KPNA7: variants seen among roughly 807,000 people sequenced by gnomAD.
KPNA7 encodes karyopherin subunit alpha 7.
Under a neutral mutation model 53.7 loss-of-function variants are expected in KPNA7, and 54 were observed. That is an observed-to-expected ratio of 1.01 (90% confidence interval 0.81 to 1.26). KPNA7 has a LOEUF of 1.26. Ranked by LOEUF, KPNA7 falls within the 50% of genes most tolerant of loss-of-function variation. The pLI, the probability that KPNA7 is intolerant of heterozygous loss-of-function variation, is 0.00. For synonymous variants in KPNA7, 276 were observed against 259.3 expected, an observed-to-expected ratio of 1.06 and a Z score of -0.62; for missense variants, 640 against 644.5, an observed-to-expected ratio of 0.99 and a Z score of 0.07.
intron 7 of KPNA7, 76 bp downstream of exon 7, chr7:99,188,224 C>T (rs796635090): frequency 1.1e-6 from 1 of 937,002 alleles, no homozygotes. Flanking sequence ...ATGCAGATGA[C>T]AAACCTTGCC....
chr7:99,183,885 G>T (rs1478897283), intron 8 of KPNA7, among the ~76,000 whole-genome samples: 1 of 152,078 alleles, frequency 6.6e-6, no homozygotes, highest in African/African-American at 2.4e-5. Context: ...TACTCTTGCT[G>T]CCCAGGCTGG....
In KPNA7 at chr7:99,188,174, C is replaced by CAAAAAA. The variant is rs59219718; in HGVS notation, c.900+120_900+125dup. ...TGGGTGACAGAGCAAGACTCTGTCT[C>CAAAAAA]AAAAAAAAAAAAAAAAAAAAAAAAG... On this transcript the variant is annotated intron_variant, in intron 7 of 10. Coordinates refer to ENST00000327442, the MANE Select transcript of KPNA7 (RefSeq NM_001145715.3). 1.2e-3 allele frequency: 476 copies of CAAAAAA among 390,634 alleles called. 5 individuals carry two copies. The highest frequency in any genetic ancestry group is 3.6e-3 in the African/African-American group (68 of 18,736). 24.2% of individuals were successfully genotyped at this position (390,634 alleles called of 1,614,324 possible).
chr7:99,215,372 A>C (rs1791192180), intron 1 of KPNA7, among the ~76,000 whole-genome samples: 1 of 106,298 alleles, frequency 9.4e-6, no homozygotes, highest in African/African-American at 5.8e-5. Context: ...ACTGTCTCAA[A>C]AAAAAAAAAA....
chr7:99,181,876 G>T lies in KPNA7; in HGVS notation c.1317+7C>A. 1 of 1,533,346 alleles carries T rather than the reference G, an allele frequency of 6.5e-7. No individual in the cohort carries two copies. Among genetic ancestry groups the T allele is most frequent in the South Asian group, 1.2e-5 (1 of 82,628 alleles). 95.0% of individuals were successfully genotyped at this position (1,533,346 alleles called of 1,614,324 possible). ...ATTTACAAACCAACCTGTTCAGAAC[G>T]GCTCACCTGGAGGATGCAAGAGATG... On this transcript the variant is annotated splice_region_variant and intron_variant, in intron 9 of 10. Transcript: ENST00000327442.
chr7:99,194,317 T>C (rs1046207389), intron 5 of KPNA7, among the ~76,000 whole-genome samples: 1 of 152,190 alleles, frequency 6.6e-6, no homozygotes, highest in African/African-American at 2.4e-5. Context: ...GGAAGGCTTG[T>C]TAGCCCAAAC....
At chr7:99,203,818 C>T (rs1790666963) in intron 2 of KPNA7, among the ~76,000 whole-genome samples, 1 of 152,106 alleles carries the variant, frequency 6.6e-6, no homozygotes, top group South Asian at 2.1e-4. Flanking sequence ...TCAAGCCATT[C>T]TTGTGCCTCA....
intron 9 of KPNA7, among the ~76,000 whole-genome samples, chr7:99,180,705 GTCTC>G (rs373720296): frequency 1.7e-5 from 1 of 60,566 alleles, no homozygotes; most frequent in Admixed American, 1.8e-4. Flanking sequence ...CTCTGTCTGT[GTCTC>G]TCTCTCTCTC....
chr7:99,154,376 A>G, the KPNA7 span, among the ~76,000 whole-genome samples: 1 of 152,050 alleles, frequency 6.6e-6, no homozygotes. Context: ...CAATCCGCCC[A>G]CCTTGGCCTC....
chr7:99,169,048 C>T (rs1466161225), downstream of KPNA7, among the ~76,000 whole-genome samples: 1 of 151,990 alleles, frequency 6.6e-6, no homozygotes, highest in Non-Finnish European at 1.5e-5. Flanking sequence ...ATTACCTGGC[C>T]GTGGTGGCAC....
chr7:99,179,567 ATATATT>A lies in KPNA7; in HGVS notation c.1318-1507_1318-1502del, dbSNP rs1473861864. Among the ~76,000 whole-genome samples, 5 of 150,432 alleles carry A rather than the reference ATATATT, an allele frequency of 3.3e-5. No individual in the cohort carries two copies. In the South Asian group the frequency reaches 6.3e-4, roughly 19 times the overall value. ...TGAGATCCTGTTTCAAAATATATAT[ATATATT>A]TATATTATTTATATTTTTATTTATT... is the stretch of plus-strand genomic sequence containing the variant. On this transcript the variant is annotated intron_variant, in intron 9 of 10. Coordinates refer to ENST00000327442, the MANE Select transcript of KPNA7 (RefSeq NM_001145715.3).
intron 1 of KPNA7, among the ~76,000 whole-genome samples, chr7:99,213,788 T>C (rs1791135025): frequency 6.6e-6 from 1 of 152,072 alleles, no homozygotes; most frequent in African/African-American, 2.4e-5. Flanking sequence ...TGTTTTCATT[T>C]TTCAGAGATG....
At chr7:99,209,447 A>T (rs185410492), upstream of KPNA7, among the ~76,000 whole-genome samples, 1 of 152,046 alleles carries the variant, frequency 6.6e-6, no homozygotes, top group Non-Finnish European at 1.5e-5. Context: ...TGCACAGAGT[A>T]CATGTGATTG....
chr7:99,185,149 C>G lies in KPNA7; in HGVS notation c.914G>C (p.Arg305Pro). The change falls in exon 8 of 11, where the codon CGC (arginine) becomes CCC (proline). Residue 305 changes from arginine to proline, a missense_variant. Coordinates refer to ENST00000327442, the MANE Select transcript of KPNA7 (RefSeq NM_001145715.3). ...SELNVLTPSL[R>P]TVGNIVTGTD... is the part of the protein sequence containing the mutation. ...GCCCGTGACAATGTTCCCCACGGTG[C>G]GGAGAGAAGGAGTCTGGAAGAGCAA... 2 of 1,551,566 alleles carry G rather than the reference C, an allele frequency of 1.3e-6. No individual in the cohort carries two copies. Among genetic ancestry groups the G allele is most frequent in the South Asian group, 2.4e-5 (2 of 84,022 alleles).
Position 99,203,158 on chromosome 7 carries a change from A to T in KPNA7, c.149T>A (p.Ile50Asn). 2 of 1,551,688 alleles carry T rather than the reference A, an allele frequency of 1.3e-6. No individual in the cohort carries two copies. The highest frequency in any genetic ancestry group is 1.2e-5 in the South Asian group (1 of 84,040). ...KDEQTLKRRN[I>N]TSFCPDTPSE... ...AGGTGTGTCAGGGCAGAAGCTCGTG[A>T]TATTCCTTCTCTTTAAGGTCTGTTC... Residue 50 changes from isoleucine to asparagine, a missense_variant, in exon 3 of 11, where the codon ATC becomes AAC. Ile to Asn is a moderately radical substitution (Grantham distance 149). Coordinates refer to ENST00000327442, the MANE Select transcript of KPNA7 (RefSeq NM_001145715.3).
At chr7:99,209,703 A>G (rs1053262796), upstream of KPNA7, among the ~76,000 whole-genome samples, 34 of 147,556 alleles carry the variant, frequency 2.3e-4, no homozygotes, top group Admixed American at 1.1e-3. Flanking sequence ...AAAAAAAAAA[A>G]AAAAAAAGAA....
At chr7:99,188,650 C>T (rs1277566803) in intron 6 of KPNA7, 87 bp from the exon 7 acceptor site, 2 of 1,277,820 alleles carry the variant, frequency 1.6e-6, no homozygotes, top group African/African-American at 3.0e-5. Context: ...CAATCAATAC[C>T]ATAGATCAGC....
chr7:99,182,436 T>C (rs34281805), intron 8 of KPNA7, among the ~76,000 whole-genome samples: 16,318 of 152,110 alleles, frequency 0.11, 1,079 homozygotes, highest in African/African-American at 0.19. Flanking sequence ...GACCTCATGA[T>C]GCGCCTGTCT....
At chr7:99,210,961 G>A (rs555677476), upstream of KPNA7, among the ~76,000 whole-genome samples, 11 of 151,852 alleles carry the variant, frequency 7.2e-5, no homozygotes, top group Admixed American at 5.3e-4. Context: ...CTGACCATAC[G>A]AGATGGTCCA....
chr7:99,151,912 C>T, the KPNA7 span, among the ~76,000 whole-genome samples: 1 of 151,686 alleles, frequency 6.6e-6, no homozygotes, highest in African/African-American at 2.4e-5. Context: ...AGGCTGGGCA[C>T]GGTGGCTCAC....
Sources: gnomAD v4.1 joint callset for allele counts (sites outside exome capture counted in the v4.1 genomes callset) on GRCh38, gnomAD v4.1.1 for gene constraint, MANE v1.5 for transcripts, NCBI Gene and HGNC (gene_info 2026-07-23, HGNC 2026-07-21) for gene names.